CSRNP3: variants seen among roughly 807,000 people sequenced by gnomAD.
The protein encoded by CSRNP3 is cysteine and serine rich nuclear protein 3.
CSRNP3 carries 12 observed loss-of-function variants against 48.0 expected under a neutral mutation model. The observed-to-expected ratio is 0.25, with a 90% CI of 0.16 to 0.41. The LOEUF (loss-of-function observed/expected upper bound fraction) is 0.41. CSRNP3 is among the 10% of genes least tolerant of loss of function. The pLI, the probability that CSRNP3 is intolerant of heterozygous loss-of-function variation, is 1.00. For missense variants in CSRNP3, 580 were observed against 724.4 expected (o/e 0.80, Z 2.29); for synonymous variants, 263 against 269.7 (o/e 0.98, Z 0.24).
At chr2:165,566,114 G>A (rs934833208) in intron 3 of CSRNP3, among the ~76,000 whole-genome samples, 12 of 151,744 alleles carry the variant, frequency 7.9e-5, no homozygotes, top group South Asian at 2.1e-4. Flanking sequence ...AAACTCAGTC[G>A]TAATCAAACC....
chr2:165,546,766 A>G (rs1003860372), intron 3 of CSRNP3, among the ~76,000 whole-genome samples: 1 of 152,188 alleles, frequency 6.6e-6, no homozygotes, highest in East Asian at 1.9e-4. Context: ...TATTACCTAG[A>G]AGAAAGGAGG....
chr2:165,659,889 A>G (rs575493351), intron 5 of CSRNP3, among the ~76,000 whole-genome samples: 16 of 152,294 alleles, frequency 1.1e-4, no homozygotes, highest in African/African-American at 3.6e-4. Flanking sequence ...TGTACGTGCC[A>G]TGTTCCCAAT....
rs187487424 is a variant in CSRNP3, at chr2:165,589,106, A to G, written c.-23-5937A>G. ...TAGGTATTTAAGGAGTACAGCAGCT[A>G]AGGGATAGGTATTAATTATCCTCAC... On this transcript the variant is annotated intron_variant, in intron 3 of 6. Transcript: ENST00000651982. Among the ~76,000 whole-genome samples, 760 of 152,344 alleles carry G rather than the reference A, an allele frequency of 5.0e-3. 9 individuals carry two copies. Among genetic ancestry groups the G allele is most frequent in the African/African-American group, 0.017 (727 of 41,570 alleles).
At chr2:165,623,364 G>A (rs759587565) in intron 4 of CSRNP3, among the ~76,000 whole-genome samples, 2 of 152,138 alleles carry the variant, frequency 1.3e-5, no homozygotes, top group Admixed American at 6.5e-5. Context: ...ATTGTGAACC[G>A]CTCATGCATG....
At chr2:165,516,441 C>T (rs914474295) in intron 2 of CSRNP3, among the ~76,000 whole-genome samples, 7 of 151,900 alleles carry the variant, frequency 4.6e-5, no homozygotes, top group South Asian at 2.1e-4. Flanking sequence ...TTTTGAAAAA[C>T]GTACAGAGAG....
intron 3 of CSRNP3, among the ~76,000 whole-genome samples, chr2:165,591,309 T>G (rs1365559632): frequency 6.6e-6 from 1 of 152,174 alleles, no homozygotes; most frequent in African/African-American, 2.4e-5. Flanking sequence ...AAGAAATTTC[T>G]GAGTGGCAAA....
In CSRNP3 at chr2:165,660,201, T is replaced by G. The variant is rs527998010; in HGVS notation, c.408+2181T>G. ...GTCGTTCTCCAAATTCAAGTATTGA[T>G]AGCACAATAGTAATGGCTGCCAATT... On this transcript the variant is annotated intron_variant, in intron 5 of 6. Coordinates refer to ENST00000651982, the MANE Select transcript of CSRNP3 (RefSeq NM_001172173.2). Among the ~76,000 whole-genome samples the G allele has an allele frequency of 6.6e-5, 10 of 152,330 alleles. 1 individual carries two copies. In the South Asian group the frequency reaches 2.1e-3, roughly 32 times the overall value.
intron 2 of CSRNP3, among the ~76,000 whole-genome samples, chr2:165,498,979 A>G (rs1415865726): frequency 6.6e-6 from 1 of 152,190 alleles, no homozygotes; most frequent in Non-Finnish European, 1.5e-5. Context: ...TTTTCATCTG[A>G]CAGTGTAATT....
intron 3 of CSRNP3, among the ~76,000 whole-genome samples, chr2:165,586,547 A>G (rs553888844): frequency 2.4e-4 from 36 of 152,250 alleles, no homozygotes; most frequent in Admixed American, 5.9e-4. Flanking sequence ...CCATATTTTT[A>G]TTTGCTAAAT....
chr2:165,570,609 A>T (rs966849681), intron 3 of CSRNP3, among the ~76,000 whole-genome samples: 2 of 151,278 alleles, frequency 1.3e-5, no homozygotes, highest in Non-Finnish European at 3.0e-5. Context: ...AAAAAAAAAA[A>T]TGGCTGCCTT....
chr2:165,491,961 A>AAAAAC (rs1250820158), intron 1 of CSRNP3, among the ~76,000 whole-genome samples: 7 of 150,618 alleles, frequency 4.6e-5, no homozygotes, highest in Non-Finnish European at 1.0e-4. Flanking sequence ...AAAAAAAAAA[A>AAAAAC]AAAAAACAAA....
intron 4 of CSRNP3, among the ~76,000 whole-genome samples, chr2:165,644,024 AT>A (rs1248341294): frequency 6.6e-6 from 1 of 152,208 alleles, no homozygotes; most frequent in Non-Finnish European, 1.5e-5. Flanking sequence ...GTCAGTACCA[AT>A]TAGTGATACA....
In CSRNP3 at chr2:165,680,394, G is replaced by T. The variant is rs1687513939; in HGVS notation, c.*641G>T. ...TTGCAAATTCTTAAGGGTGAAATAG[G>T]CCTATTTTTGCTATTTTGGACAAAT... is the stretch of plus-strand genomic sequence containing the variant. On this transcript the variant is annotated 3_prime_UTR_variant, in exon 7 of 7. Coordinates refer to ENST00000651982, the MANE Select transcript of CSRNP3 (RefSeq NM_001172173.2). The T allele has an allele frequency of 6.6e-6, 1 of 152,508 alleles. No individual in the cohort carries two copies. The allele number at this position is 152,508 out of a possible 1,614,324, so 9.4% of individuals were successfully genotyped here.
chr2:165,681,760 T>TATATATATATACAC lies in CSRNP3; in HGVS notation c.*2008_*2009insTATATATATACACA, dbSNP rs1291170889. 6.7e-5 allele frequency: 3 copies of TATATATATATACAC among 44,726 alleles called. No homozygotes were observed. The highest frequency in any genetic ancestry group is 2.0e-4 in the Admixed American group (1 of 5,060). The allele number at this position is 44,726 out of a possible 1,614,324, so 2.8% of individuals were successfully genotyped here. A position where few individuals can be genotyped will look rare whatever the true frequency, so the allele number is the denominator to read the frequency against. ...ATATATATATATATATATATATATA[T>TATATATATATACAC]ACACACACACACACACATACACATA... On this transcript the variant is annotated 3_prime_UTR_variant, in exon 7 of 7. Transcript: ENST00000651982.
intron 2 of CSRNP3, among the ~76,000 whole-genome samples, chr2:165,495,318 G>A (rs1015757282): frequency 4.6e-5 from 7 of 151,998 alleles, no homozygotes; most frequent in African/African-American, 1.2e-4. Flanking sequence ...CTTCCTAGAT[G>A]AGAAAATGAT....
intron 3 of CSRNP3, among the ~76,000 whole-genome samples, chr2:165,520,594 A>G (rs1271121794): frequency 6.6e-6 from 1 of 151,576 alleles, no homozygotes; most frequent in African/African-American, 2.4e-5. Context: ...AAAGGCAGGT[A>G]TTTTAAGCAG....
intron 4 of CSRNP3, among the ~76,000 whole-genome samples, chr2:165,653,056 T>G (rs1573945671): frequency 6.6e-6 from 1 of 152,206 alleles, no homozygotes; most frequent in African/African-American, 2.4e-5. Context: ...GAATTTAGTC[T>G]GCTTCTCCCA....
chr2:165,679,796 C>A lies in CSRNP3; in HGVS notation c.*43C>A. 6.4e-7 allele frequency: 1 copy of A among 1,566,872 alleles called. No homozygotes were observed. Among genetic ancestry groups the A allele is most frequent in the Non-Finnish European group, 8.6e-7 (1 of 1,156,534 alleles). On this transcript the variant is annotated 3_prime_UTR_variant, in exon 7 of 7. Coordinates refer to ENST00000651982, the MANE Select transcript of CSRNP3 (RefSeq NM_001172173.2). Reference sequence around the variant, plus strand: ...GGACCAACTCTTCTCTTATTTAAGGCACTGTATTTAATTGGATTTCCTGGG... The same window carrying A: ...GGACCAACTCTTCTCTTATTTAAGGAACTGTATTTAATTGGATTTCCTGGG...
intron 4 of CSRNP3, among the ~76,000 whole-genome samples, chr2:165,643,146 C>A (rs1686752926): frequency 6.6e-6 from 1 of 152,122 alleles, no homozygotes; most frequent in Non-Finnish European, 1.5e-5. Flanking sequence ...TATTGAATAT[C>A]TACTGTATCC....
Sources: gnomAD v4.1 joint callset for allele counts (sites outside exome capture counted in the v4.1 genomes callset) on GRCh38, gnomAD v4.1.1 for gene constraint, MANE v1.5 for transcripts, NCBI Gene and HGNC (gene_info 2026-07-23, HGNC 2026-07-21) for gene names.